IL7: variants seen among roughly 807,000 people sequenced by gnomAD.
IL7 encodes interleukin-7.
Under a neutral mutation model 21.6 loss-of-function variants are expected in IL7, and 3 were observed. The observed-to-expected ratio is 0.14, with a 90% CI of 0.06 to 0.36. The LOEUF (loss-of-function observed/expected upper bound fraction) is 0.36, where lower values mean the gene tolerates loss of function less well. IL7 is among the 10% of genes least tolerant of loss of function. The probability of loss-of-function intolerance (pLI) is 1.00; values close to 1 mark genes in which losing one functional copy is unlikely to be tolerated. For synonymous variants in IL7, 62 were observed against 68.1 expected (o/e 0.91, Z 0.44); for missense variants, 175 against 200.2 (o/e 0.87, Z 0.76).
chr8:78,681,380 G>A lies in IL7; in HGVS notation n.273+4509C>T, dbSNP rs181481867. On this transcript the variant is annotated intron_variant and non_coding_transcript_variant, in intron 4 of 4. Coordinates refer to the IL7 transcript ENST00000523959. The stretch of plus-strand genomic sequence containing the variant: ...AGAACAGCAGAACATCAGTAGATGA[G>A]TAATAATCACAGAGCAGATGAATGT... Among the ~76,000 whole-genome samples, 644 of 152,296 alleles carry A rather than the reference G, an allele frequency of 4.2e-3. 6 individuals are homozygous for A. Among genetic ancestry groups the A allele is most frequent in the Non-Finnish European group, 7.0e-3 (477 of 68,030 alleles).
chr8:78,678,992 A>G (rs1196336795), intron 4 of IL7: 3 of 172,422 alleles, frequency 1.7e-5, no homozygotes, highest in Non-Finnish European at 3.7e-5. Context: ...TCAAGTCATT[A>G]TTAAAAACTT....
At position 78,740,070 on chromosome 8, in the gene IL7, C is replaced by T. The variant is rs1811728013; in HGVS notation, c.160G>A (p.Glu54Lys). 1 of 1,525,104 alleles carries T rather than the reference C, an allele frequency of 6.6e-7. No homozygotes were observed. The highest frequency in any genetic ancestry group is 8.8e-7 in the Non-Finnish European group (1 of 1,137,830). 94.5% of individuals were successfully genotyped at this position (1,525,104 alleles called of 1,614,324 possible). ...SIDQLLDSMKEIGSNCLNNEF... is the reference protein window; with the variant it reads ...SIDQLLDSMKKIGSNCLNNEF... ...TTATTCAGGCAATTGCTACCAATTT[C>T]TTTCATGCTGTCCTGTAATAAATAA... The change falls in exon 3 of 6, where the codon GAA becomes AAA. Residue 54 changes from glutamate to lysine, a missense_variant. Physicochemically the swap from Glu to Lys is moderately conservative, Grantham distance 56. Transcript: ENST00000263851.
chr8:78,703,360 T>C (rs1308235817), intron 3 of IL7, among the ~76,000 whole-genome samples: 3 of 152,128 alleles, frequency 2.0e-5, no homozygotes, highest in African/African-American at 7.2e-5. Context: ...ATCTGTCTAA[T>C]ATTGTCAGTG....
At chr8:78,723,411 C>T (rs561364597) in intron 3 of IL7, among the ~76,000 whole-genome samples, 52 of 152,042 alleles carry the variant, frequency 3.4e-4, no homozygotes, top group African/African-American at 1.2e-3. Flanking sequence ...AAATTACCTC[C>T]GTTTGTACTT....
intron 2 of IL7, among the ~76,000 whole-genome samples, chr8:78,744,695 G>A (rs984006983): frequency 6.6e-6 from 1 of 152,154 alleles, no homozygotes; most frequent in African/African-American, 2.4e-5. Flanking sequence ...ACTTTTGCCG[G>A]GAAGCCTGAA....
At chr8:78,748,776 G>A (rs1400690171) in intron 2 of IL7, among the ~76,000 whole-genome samples, 7 of 152,104 alleles carry the variant, frequency 4.6e-5, no homozygotes, top group Admixed American at 4.6e-4. Flanking sequence ...GGAAGTGGTG[G>A]TCCATAGTAA....
intron 2 of IL7, among the ~76,000 whole-genome samples, chr8:78,767,157 TA>T (rs112796826): frequency 6.6e-5 from 10 of 152,022 alleles, no homozygotes; most frequent in South Asian, 2.1e-4. Context: ...TATAAGGGAT[TA>T]AAAAAATTTT....
At chr8:78,691,554 G>A (rs1220020894) in intron 3 of IL7, among the ~76,000 whole-genome samples, 1 of 151,716 alleles carries the variant, frequency 6.6e-6, no homozygotes, top group African/African-American at 2.4e-5. Flanking sequence ...GGTCAAAATT[G>A]CCTGTCATTT....
intron 3 of IL7, among the ~76,000 whole-genome samples, chr8:78,703,666 T>C (rs1810679203): frequency 6.6e-6 from 1 of 152,028 alleles, no homozygotes; most frequent in Admixed American, 6.6e-5. Context: ...TTTGATCCCA[T>C]GTGTGTCATT....
At chr8:78,760,472 C>T (rs1812514805) in intron 2 of IL7, 1 of 1,544,850 alleles carries the variant, frequency 6.5e-7, no homozygotes, top group African/African-American at 1.4e-5. Flanking sequence ...ATCTTTCCCC[C>T]TGTGTTTCCA....
In IL7 at chr8:78,726,957, A is replaced by G. The variant is rs1811350665; in HGVS notation, n.268-5517T>C. 2.0e-5 allele frequency among the ~76,000 whole-genome samples: 3 copies of G among 152,090 alleles called. No individual in the cohort carries two copies. The South Asian group carries it at 6.2e-4, about 32-fold the overall frequency. ...AAAATAATCTCAATAGAACTTTCATATATAAGGGACAGAGATCCTTTCAGT... is the reference window on the plus strand; with the variant it reads ...AAAATAATCTCAATAGAACTTTCATGTATAAGGGACAGAGATCCTTTCAGT... On this transcript the variant is annotated intron_variant and non_coding_transcript_variant, in intron 3 of 6. Coordinates refer to the IL7 transcript ENST00000519833.
chr8:78,780,209 GT>G (rs1178321705), intron 2 of IL7, among the ~76,000 whole-genome samples: 1 of 151,912 alleles, frequency 6.6e-6, no homozygotes, highest in Non-Finnish European at 1.5e-5. Flanking sequence ...ATTTTGAAGG[GT>G]TTTTTATGTC....
intron 2 of IL7, among the ~76,000 whole-genome samples, chr8:78,771,824 T>G (rs541387175): frequency 6.6e-6 from 1 of 152,212 alleles, no homozygotes; most frequent in South Asian, 2.1e-4. Flanking sequence ...CCCTTTCTGT[T>G]GCAGCCACTG....
At position 78,798,179 on chromosome 8, in the gene IL7, G is replaced by C. The variant is rs1325109498; in HGVS notation, c.40C>G (p.Pro14Ala). The part of the protein sequence containing the change: ...VSFRYIFGLP[P>A]LILVLLPVAS... ...ACTGGCAACAGAACAAGGATCAGGG[G>C]AGGAAGTCCAAAGATATACCTAAAA... The change falls in exon 2 of 6, where the codon CCC becomes GCC. Residue 14 changes from proline (P) to alanine (A), a missense_variant. Physicochemically the swap from Pro to Ala is conservative, Grantham distance 27. Coordinates refer to ENST00000263851, the MANE Select transcript of IL7 (RefSeq NM_000880.4). 2 of 1,611,382 alleles carry C rather than the reference G, an allele frequency of 1.2e-6. No individual in the cohort carries two copies. Among genetic ancestry groups the C allele is most frequent in the Admixed American group, 3.3e-5 (2 of 59,834 alleles).
intron 2 of IL7, among the ~76,000 whole-genome samples, chr8:78,771,982 C>A (rs1018392440): frequency 7.9e-5 from 12 of 152,080 alleles, no homozygotes; most frequent in African/African-American, 2.9e-4. Context: ...GCCTTCTTCT[C>A]CTGTGGGAAA....
At chr8:78,773,966 C>A (rs1338956660) in intron 2 of IL7, among the ~76,000 whole-genome samples, 1 of 151,874 alleles carries the variant, frequency 6.6e-6, no homozygotes, top group Non-Finnish European at 1.5e-5. Context: ...TCCAATTTGG[C>A]CATATTAGGT....
intron 3 of IL7, among the ~76,000 whole-genome samples, chr8:78,690,886 GT>G (rs2130510137): frequency 6.6e-6 from 1 of 151,986 alleles, no homozygotes; most frequent in African/African-American, 2.4e-5. Flanking sequence ...ATTTTTAGTT[GT>G]TTTTTGCTTG....
intron 2 of IL7, among the ~76,000 whole-genome samples, chr8:78,766,225 G>A (rs1268239606): frequency 3.3e-5 from 5 of 152,114 alleles, no homozygotes; most frequent in African/African-American, 9.6e-5. Context: ...GAAGTTGTTA[G>A]GAGAGTGAAA....
chr8:78,784,873 C>T (rs940997763), intron 2 of IL7, among the ~76,000 whole-genome samples: 15 of 152,082 alleles, frequency 9.9e-5, no homozygotes, highest in Non-Finnish European at 2.9e-5. Flanking sequence ...TCCCCTCCCC[C>T]TCCATCTTCT....
Sources: allele counts gnomAD v4.1 joint callset (sites outside exome capture counted in the v4.1 genomes callset), GRCh38; gene constraint gnomAD v4.1.1; transcripts MANE v1.5; gene names NCBI Gene and HGNC (gene_info 2026-07-23, HGNC 2026-07-21).